Variants in GALNTL6 observed in about 807,000 individuals in gnomAD.
GALNTL6 encodes polypeptide N-acetylgalactosaminyltransferase-like 6.
Under a neutral mutation model 73.7 loss-of-function variants are expected in GALNTL6, and 46 were observed. The ratio of observed to expected loss-of-function variants is 0.62; its 90% CI spans 0.49 to 0.80. GALNTL6 has a LOEUF of 0.80. GALNTL6 is among the 30% of genes least tolerant of loss of function. The pLI is 0.00. For missense variants in GALNTL6, 604 were observed against 755.0 expected, an observed-to-expected ratio of 0.80 and a Z score of 2.34; for synonymous variants, 259 against 263.7, an observed-to-expected ratio of 0.98 and a Z score of 0.17.
intron 9 of GALNTL6, among the ~76,000 whole-genome samples, chr4:172,942,419 T>C (rs1341194140): frequency 2.0e-5 from 3 of 152,224 alleles, no homozygotes; most frequent in Admixed American, 6.5e-5. Context: ...TCTCTTTGGG[T>C]GATGATTAGA....
chr4:172,539,460 C>G (rs1030477421), intron 5 of GALNTL6, among the ~76,000 whole-genome samples: 12 of 152,134 alleles, frequency 7.9e-5, no homozygotes, highest in Non-Finnish European at 1.5e-4. Flanking sequence ...AAGACCTTTC[C>G]CTCCACTGAA....
chr4:172,118,709 AAG>A, intron 2 of GALNTL6, among the ~76,000 whole-genome samples: 1 of 151,732 alleles, frequency 6.6e-6, no homozygotes, highest in East Asian at 1.9e-4. Flanking sequence ...CAAAACAAAA[AAG>A]AAAAAAAAAA....
chr4:172,934,598 A>G (rs1748512908), intron 9 of GALNTL6, among the ~76,000 whole-genome samples: 1 of 152,120 alleles, frequency 6.6e-6, no homozygotes. Flanking sequence ...TAATAAGCCT[A>G]GACAGTTTTA....
In GALNTL6 at chr4:172,252,011, G is replaced by T. The variant is rs187358964; in HGVS notation, c.247+22247G>T. Reference sequence around the variant, plus strand: ...GGAAAAACAAATTAGTGTACAGGAAGATTAAGGGTAGAAATATGTCAAATC... The same window carrying T: ...GGAAAAACAAATTAGTGTACAGGAATATTAAGGGTAGAAATATGTCAAATC... On this transcript the variant is annotated intron_variant, in intron 3 of 12. Coordinates refer to ENST00000506823, the MANE Select transcript of GALNTL6 (RefSeq NM_001034845.3). Among the ~76,000 whole-genome samples the T allele has an allele frequency of 2.6e-5, 4 of 152,230 alleles. No individual in the cohort carries two copies. In the East Asian group the frequency reaches 7.7e-4, roughly 29 times the overall value.
At chr4:172,562,028 C>T (rs1243052870) in intron 5 of GALNTL6, among the ~76,000 whole-genome samples, 2 of 152,128 alleles carry the variant, frequency 1.3e-5, no homozygotes, top group Non-Finnish European at 2.9e-5. Flanking sequence ...TGGAAAATCA[C>T]CATTTATGAA....
intron 5 of GALNTL6, chr4:172,667,681 C>G (rs182370886): frequency 6.6e-6 from 1 of 152,340 alleles, no homozygotes; most frequent in Admixed American, 6.5e-5. Context: ...AGTAGTTCCT[C>G]GATTCACGTT....
At chr4:172,206,310 G>A (rs1736107977) in intron 2 of GALNTL6, among the ~76,000 whole-genome samples, 1 of 152,144 alleles carries the variant, frequency 6.6e-6, no homozygotes, top group Admixed American at 6.5e-5. Flanking sequence ...GATACAGGGA[G>A]ATAGTAGGAG....
chr4:172,558,842 C>T (rs907426491), intron 5 of GALNTL6, among the ~76,000 whole-genome samples: 2 of 152,074 alleles, frequency 1.3e-5, no homozygotes, highest in African/African-American at 4.8e-5. Flanking sequence ...TTGATCAAAA[C>T]TATTTCACAT....
intron 2 of GALNTL6, among the ~76,000 whole-genome samples, chr4:172,075,062 T>G (rs1716058427): frequency 6.6e-6 from 1 of 152,208 alleles, no homozygotes; most frequent in South Asian, 2.1e-4. Context: ...AGAATTTCAA[T>G]TAGCTTTGGC....
intron 8 of GALNTL6, among the ~76,000 whole-genome samples, chr4:172,886,469 T>C (rs995015681): frequency 1.3e-5 from 2 of 152,148 alleles, no homozygotes; most frequent in African/African-American, 2.4e-5. Context: ...CATTTGTTTA[T>C]CTGTTTAAAA....
intron 2 of GALNTL6, among the ~76,000 whole-genome samples, chr4:171,836,475 T>G (rs1735098139): frequency 6.6e-6 from 1 of 152,096 alleles, no homozygotes. Context: ...ATTTCTACTA[T>G]CATCTTTGCA....
At chr4:172,006,110 C>T (rs975045053) in intron 2 of GALNTL6, among the ~76,000 whole-genome samples, 1 of 152,142 alleles carries the variant, frequency 6.6e-6, no homozygotes, top group African/African-American at 2.4e-5. Context: ...AGCATGTCTA[C>T]GAGTCATGCT....
At chr4:172,196,591 A>G (rs1735780256) in intron 2 of GALNTL6, among the ~76,000 whole-genome samples, 1 of 152,218 alleles carries the variant, frequency 6.6e-6, no homozygotes, top group Non-Finnish European at 1.5e-5. Flanking sequence ...TAAAAAGCTT[A>G]TCCACCACGA....
At chr4:172,348,010 A>G (rs563828335) in intron 4 of GALNTL6, among the ~76,000 whole-genome samples, 47 of 152,246 alleles carry the variant, frequency 3.1e-4, no homozygotes, top group African/African-American at 1.1e-3. Flanking sequence ...TTTTAAATTG[A>G]ATTTTAATTT....
At chr4:172,771,428 C>A (rs1738753303) in intron 5 of GALNTL6, among the ~76,000 whole-genome samples, 1 of 152,158 alleles carries the variant, frequency 6.6e-6, no homozygotes, top group Non-Finnish European at 1.5e-5. Flanking sequence ...TGATATCACT[C>A]CTGAGTCCAC....
At chr4:172,112,316 C>T (rs1407977031) in intron 2 of GALNTL6, among the ~76,000 whole-genome samples, 2 of 151,968 alleles carry the variant, frequency 1.3e-5, no homozygotes, top group Non-Finnish European at 1.5e-5. Flanking sequence ...ACATTGGTTG[C>T]TTTCAATTTT....
chr4:172,844,769 T>C (rs1220840154), intron 7 of GALNTL6, among the ~76,000 whole-genome samples: 1 of 152,164 alleles, frequency 6.6e-6, no homozygotes, highest in Non-Finnish European at 1.5e-5. Flanking sequence ...TATGCAAGCA[T>C]TGCATAAGCA....
intron 2 of GALNTL6, among the ~76,000 whole-genome samples, chr4:171,878,487 T>C (rs1001900890): frequency 6.6e-6 from 1 of 152,202 alleles, no homozygotes; most frequent in Non-Finnish European, 1.5e-5. Flanking sequence ...TCAGAGTTCT[T>C]TGAGCATAAA....
chr4:171,995,374 G>T (rs1306967190), intron 2 of GALNTL6, among the ~76,000 whole-genome samples: 1 of 151,866 alleles, frequency 6.6e-6, no homozygotes, highest in East Asian at 1.9e-4. Flanking sequence ...AGCAAAAGAT[G>T]CAGCCTAATG....
Sources: allele counts gnomAD v4.1 joint callset (sites outside exome capture counted in the v4.1 genomes callset), GRCh38; gene constraint gnomAD v4.1.1; transcripts MANE v1.5; gene names NCBI Gene and HGNC (gene_info 2026-07-23, HGNC 2026-07-21).